The following ZNF277 variants were observed in gnomAD, a reference collection of about 807,000 sequenced individuals.
ZNF277 encodes zinc finger protein 277.
A neutral mutation model predicts 60.7 loss-of-function variants in ZNF277; 55 were observed. The observed-to-expected ratio is 0.91, with a 90% confidence interval of 0.73 to 1.13. The LOEUF (loss-of-function observed/expected upper bound fraction) is 1.13. ZNF277 is among the 50% of genes most tolerant of loss of function. The pLI is 0.00. For missense variants in ZNF277, 510 were observed against 523.0 expected (o/e 0.98, Z 0.24); for synonymous variants, 178 against 179.3 (o/e 0.99, Z 0.06).
At chr7:112,276,335 G>A (rs767925468) in intron 1 of ZNF277, among the ~76,000 whole-genome samples, 10 of 152,142 alleles carry the variant, frequency 6.6e-5, no homozygotes, top group South Asian at 2.1e-4. Context: ...CAACCCCTGC[G>A]TGTCTCATCT....
intron 1 of ZNF277, among the ~76,000 whole-genome samples, chr7:112,284,539 A>G (rs920725545): frequency 1.3e-5 from 2 of 152,178 alleles, no homozygotes; most frequent in African/African-American, 4.8e-5. Context: ...ATAACCTACA[A>G]CTGAAGAACT....
At chr7:112,341,448 C>G (rs191231195) in intron 11 of ZNF277, among the ~76,000 whole-genome samples, 24 of 152,208 alleles carry the variant, frequency 1.6e-4, no homozygotes, top group Admixed American at 1.4e-3. Flanking sequence ...TAGGTTGTTT[C>G]TTACTTTTTG....
At chr7:112,320,917 C>CTTTTTTTTTTTTT (rs1230552751) in intron 5 of ZNF277, among the ~76,000 whole-genome samples, 39 of 98,348 alleles carry the variant, frequency 4.0e-4, no homozygotes, top group East Asian at 1.1e-3. Flanking sequence ...TTGTTTCTTT[C>CTTTTTTTTTTTTT]TTTTTTTTTT....
chr7:112,342,216 C>T (rs117110298), intron 11 of ZNF277, among the ~76,000 whole-genome samples: 228 of 152,164 alleles, frequency 1.5e-3, no homozygotes, highest in Non-Finnish European at 2.4e-3. Context: ...TAGATCTACC[C>T]ACTACTGGGG....
At chr7:112,327,656 C>T in intron 5 of ZNF277, 61 bp from the exon 6 acceptor site, 1 of 1,340,436 alleles carries the variant, frequency 7.5e-7, no homozygotes, top group Non-Finnish European at 1.1e-6. Flanking sequence ...AATGCTATTC[C>T]AACCCAAATG....
At chr7:112,251,438 C>G (rs1421492928) in intron 1 of ZNF277, among the ~76,000 whole-genome samples, 1 of 152,192 alleles carries the variant, frequency 6.6e-6, no homozygotes, top group Non-Finnish European at 1.5e-5. Flanking sequence ...AAATGTTGCT[C>G]TCTAATAATA....
At chr7:112,293,425 GA>G (rs919172821) in intron 2 of ZNF277, among the ~76,000 whole-genome samples, 2 of 151,628 alleles carry the variant, frequency 1.3e-5, no homozygotes, top group Non-Finnish European at 2.9e-5. Context: ...AAAAAAATAG[GA>G]AAATTAGTTG....
intron 1 of ZNF277, among the ~76,000 whole-genome samples, chr7:112,246,638 C>T (rs2117002844): frequency 6.6e-6 from 1 of 152,212 alleles, no homozygotes. Context: ...GAGGAGGAAG[C>T]ATGGTGAGTT....
chr7:112,276,191 C>T (rs891523466), intron 1 of ZNF277, among the ~76,000 whole-genome samples: 1 of 152,118 alleles, frequency 6.6e-6, no homozygotes, highest in Non-Finnish European at 1.5e-5. Context: ...CCCGGCCCAT[C>T]GTGGGGGAAT....
intron 1 of ZNF277, among the ~76,000 whole-genome samples, chr7:112,228,904 T>C (rs1021740702): frequency 5.3e-5 from 8 of 152,196 alleles, no homozygotes; most frequent in Non-Finnish European, 1.2e-4. Flanking sequence ...ACTTCTGTTT[T>C]CTCGCAACTA....
intron 1 of ZNF277, among the ~76,000 whole-genome samples, chr7:112,279,108 A>G (rs1042594410): frequency 1.3e-5 from 2 of 152,190 alleles, no homozygotes; most frequent in East Asian, 1.9e-4. Context: ...TTGTCTATAC[A>G]TCTATTATTT....
At chr7:112,209,858 G>A (rs190673762) in intron 1 of ZNF277, among the ~76,000 whole-genome samples, 39 of 152,210 alleles carry the variant, frequency 2.6e-4, no homozygotes, top group African/African-American at 8.9e-4. Flanking sequence ...GGACATGGAT[G>A]AAGCTGAAAA....
intron 4 of ZNF277, among the ~76,000 whole-genome samples, 199 bp from the exon 5 acceptor site, chr7:112,317,983 A>G (rs977266769): frequency 8.5e-5 from 13 of 152,116 alleles, no homozygotes; most frequent in African/African-American, 2.7e-4. Flanking sequence ...TAGCTGTTAA[A>G]GTGGAGTGTT....
chr7:112,234,726 C>A (rs1220708367), intron 1 of ZNF277, among the ~76,000 whole-genome samples: 1 of 151,776 alleles, frequency 6.6e-6, no homozygotes, highest in Non-Finnish European at 1.5e-5. Context: ...TCCTACATGA[C>A]TATTATTTAT....
intron 2 of ZNF277, among the ~76,000 whole-genome samples, chr7:112,291,219 C>G (rs1282224702): frequency 2.0e-5 from 3 of 151,938 alleles, no homozygotes; most frequent in African/African-American, 7.3e-5. Context: ...TATTTCTTAC[C>G]CTTTTCTATA....
chr7:112,323,053 G>A (rs1301442876), intron 5 of ZNF277, among the ~76,000 whole-genome samples: 1 of 150,860 alleles, frequency 6.6e-6, no homozygotes, highest in African/African-American at 2.4e-5. Context: ...TTGCCAAGGG[G>A]CTTTGTATGT....
At chr7:112,251,171 A>G (rs995589440) in intron 1 of ZNF277, among the ~76,000 whole-genome samples, 2 of 152,190 alleles carry the variant, frequency 1.3e-5, no homozygotes, top group Admixed American at 1.3e-4. Flanking sequence ...TCTACTTGTC[A>G]GACCCAGAGT....
chr7:112,324,597 C>T (rs1793057339), intron 5 of ZNF277, among the ~76,000 whole-genome samples: 1 of 152,170 alleles, frequency 6.6e-6, no homozygotes, highest in South Asian at 2.1e-4. Flanking sequence ...GGCCCTTTAC[C>T]AACCAGCAAC....
At chr7:112,261,152 CTATCATTCTCTGCG>C (rs761263701) in intron 1 of ZNF277, among the ~76,000 whole-genome samples, 9 of 152,152 alleles carry the variant, frequency 5.9e-5, no homozygotes, top group Non-Finnish European at 1.3e-4. Context: ...CTATAGATCT[CTATCATTCTCTGCG>C]TTAGATTCTT....
Sources: gnomAD v4.1 joint callset for allele counts (sites outside exome capture counted in the v4.1 genomes callset) on GRCh38, gnomAD v4.1.1 for gene constraint, MANE v1.5 for transcripts, NCBI Gene and HGNC (gene_info 2026-07-23, HGNC 2026-07-21) for gene names.